The following CNTNAP2 variants were observed in gnomAD, a reference collection of about 807,000 sequenced individuals.
The protein encoded by CNTNAP2 is contactin associated protein 2.
CNTNAP2 carries 98 observed loss-of-function variants against 155.2 expected under a neutral mutation model. The ratio of observed to expected loss-of-function variants is 0.63; its 90% CI spans 0.54 to 0.75. The LOEUF is 0.75. Ranked by LOEUF, CNTNAP2 falls within the 30% of genes least tolerant of loss-of-function variation. CNTNAP2 has a pLI of 0.00. For missense variants in CNTNAP2, 1,727 were observed against 1,688.1 expected (o/e 1.02, Z -0.40); for synonymous variants, 651 against 631.2 (o/e 1.03, Z -0.47).
chr7:148,052,766 G>T (rs1802918369), intron 15 of CNTNAP2, among the ~76,000 whole-genome samples: 1 of 152,180 alleles, frequency 6.6e-6, no homozygotes, highest in South Asian at 2.1e-4. Flanking sequence ...AAGTCTCCTA[G>T]GCCAGGCACA....
intron 3 of CNTNAP2, among the ~76,000 whole-genome samples, chr7:147,003,195 G>GCTA: frequency 6.6e-6 from 1 of 152,102 alleles, no homozygotes; most frequent in Admixed American, 6.6e-5. Flanking sequence ...TATATTGACA[G>GCTA]CTGTATAGCA....
At chr7:146,360,868 C>T (rs1795072144) in intron 1 of CNTNAP2, among the ~76,000 whole-genome samples, 1 of 152,176 alleles carries the variant, frequency 6.6e-6, no homozygotes, top group Non-Finnish European at 1.5e-5. Flanking sequence ...CTTATTTCCC[C>T]AGTCACTGAC....
intron 12 of CNTNAP2, 113 bp downstream of exon 12, chr7:147,562,370 A>C: frequency 7.6e-7 from 1 of 1,311,614 alleles, no homozygotes; most frequent in Admixed American, 1.7e-5. Flanking sequence ...ACATCTAATC[A>C]GCAACATATT....
chr7:147,929,586 T>G (rs1800461795), intron 14 of CNTNAP2, among the ~76,000 whole-genome samples: 1 of 152,244 alleles, frequency 6.6e-6, no homozygotes, highest in South Asian at 2.1e-4. Flanking sequence ...CATTATCTAC[T>G]AACTTCTGGT....
intron 9 of CNTNAP2, among the ~76,000 whole-genome samples, chr7:147,395,405 T>C (rs1796797062): frequency 6.6e-6 from 1 of 152,000 alleles, no homozygotes; most frequent in Non-Finnish European, 1.5e-5. Context: ...TGGTAACCCA[T>C]TACAATTCAA....
rs553638793 is a variant in CNTNAP2, at chr7:147,155,778, G to A, written c.1348+23269G>A. 1.9e-3 allele frequency among the ~76,000 whole-genome samples: 288 copies of A among 152,192 alleles called. 1 individual carries two copies. The highest frequency in any genetic ancestry group is 3.0e-3 in the Non-Finnish European group (203 of 68,002). ...GTAAAACTAAGCCTATGTAGTAGTA[G>A]TATATATATTAGTGGGGAAAGGTGC... On this transcript the variant is annotated intron_variant, in intron 8 of 23. Coordinates refer to ENST00000361727, the MANE Select transcript of CNTNAP2 (RefSeq NM_014141.6).
At chr7:147,550,955 C>G (rs1408858188) in intron 11 of CNTNAP2, among the ~76,000 whole-genome samples, 1 of 151,974 alleles carries the variant, frequency 6.6e-6, no homozygotes, top group Non-Finnish European at 1.5e-5. Context: ...AGATAGTATC[C>G]ATAAAAAATA....
At chr7:146,222,725 A>G (rs1799228006) in intron 1 of CNTNAP2, among the ~76,000 whole-genome samples, 1 of 148,458 alleles carries the variant, frequency 6.7e-6, no homozygotes, top group Non-Finnish European at 1.5e-5. Flanking sequence ...GTGTGATCTC[A>G]GCTCAATGCA....
At chr7:147,275,134 C>T (rs1804867051) in intron 8 of CNTNAP2, among the ~76,000 whole-genome samples, 2 of 151,996 alleles carry the variant, frequency 1.3e-5, no homozygotes, top group Admixed American at 1.3e-4. Context: ...ATTACTTTGG[C>T]TCTTCGAGCT....
chr7:147,797,832 A>G (rs1231043187), intron 13 of CNTNAP2, among the ~76,000 whole-genome samples: 1 of 152,208 alleles, frequency 6.6e-6, no homozygotes, highest in Non-Finnish European at 1.5e-5. Context: ...TAATACAAAA[A>G]CTATTCATCA....
At chr7:148,407,075 G>C (rs1029126942) in intron 22 of CNTNAP2, among the ~76,000 whole-genome samples, 1 of 152,164 alleles carries the variant, frequency 6.6e-6, no homozygotes, top group Non-Finnish European at 1.5e-5. Flanking sequence ...TAAAGATTTA[G>C]TGAATAAGTA....
In CNTNAP2 at chr7:147,987,835, C is replaced by A. The variant is rs576259902; in HGVS notation, c.2383+9846C>A. On this transcript the variant is annotated intron_variant, in intron 15 of 23. Coordinates refer to ENST00000361727, the MANE Select transcript of CNTNAP2 (RefSeq NM_014141.6). ...TCAGCCTCCCAAGTAGCTGGGACTA[C>A]AGGTACATGCCACCACACCCCGCTA... 2.1e-4 allele frequency among the ~76,000 whole-genome samples: 32 copies of A among 152,216 alleles called. 1 individual carries two copies. The South Asian group carries it at 6.7e-3, about 32-fold the overall frequency.
intron 19 of CNTNAP2, among the ~76,000 whole-genome samples, chr7:148,219,842 C>A (rs1402687959): frequency 2.6e-5 from 4 of 151,888 alleles, no homozygotes; most frequent in East Asian, 1.9e-4. Flanking sequence ...CAGAGCAAGA[C>A]CCTGTCTCTA....
intron 1 of CNTNAP2, among the ~76,000 whole-genome samples, chr7:146,481,265 C>T (rs2129128535): frequency 6.6e-6 from 1 of 152,248 alleles, no homozygotes; most frequent in East Asian, 1.9e-4. Context: ...ATTTTATTTA[C>T]ATTTTACTTA....
At chr7:147,655,288 A>G (rs113029500) in intron 13 of CNTNAP2, among the ~76,000 whole-genome samples, 18,351 of 151,214 alleles carry the variant, frequency 0.12, 1,439 homozygotes, top group Middle Eastern at 0.24. Context: ...ACGCTTAGCT[A>G]ATGTTTGTAT....
At chr7:146,916,608 T>C (rs1442549560) in intron 3 of CNTNAP2, among the ~76,000 whole-genome samples, 1 of 152,182 alleles carries the variant, frequency 6.6e-6, no homozygotes, top group East Asian at 1.9e-4. Context: ...TTTTCTAGTT[T>C]ATGCATGTAA....
At chr7:148,066,491 T>C (rs938109807) in intron 15 of CNTNAP2, among the ~76,000 whole-genome samples, 2 of 152,134 alleles carry the variant, frequency 1.3e-5, no homozygotes, top group African/African-American at 4.8e-5. Flanking sequence ...AAATTCTTTT[T>C]TCTTTTTTTC....
chr7:148,300,316 T>C (rs1215487781), intron 21 of CNTNAP2, among the ~76,000 whole-genome samples: 1 of 152,210 alleles, frequency 6.6e-6, no homozygotes, highest in African/African-American at 2.4e-5. Context: ...CTGGAATATA[T>C]GTAGAAATAC....
intron 20 of CNTNAP2, among the ~76,000 whole-genome samples, chr7:148,245,070 T>C (rs958812464): frequency 4.6e-5 from 7 of 152,202 alleles, no homozygotes. Flanking sequence ...AAAAGCAATT[T>C]TGGACTGGAG....
Sources: allele counts gnomAD v4.1 joint callset (sites outside exome capture counted in the v4.1 genomes callset), GRCh38; gene constraint gnomAD v4.1.1; transcripts MANE v1.5; gene names NCBI Gene and HGNC (gene_info 2026-07-23, HGNC 2026-07-21).